Variants in POC1B observed in about 807,000 individuals in gnomAD.
POC1B encodes POC1 centriolar protein B.
In POC1B, 44 loss-of-function variants were observed where a neutral mutation model predicts 60.6. The observed-to-expected ratio is 0.73, with a 90% CI of 0.57 to 0.93. The LOEUF is 0.93. Among genes scored for constraint, POC1B ranks in the 40% least tolerant of loss-of-function variants. The probability of loss-of-function intolerance (pLI) is 0.00; values close to 1 mark genes in which losing one functional copy is unlikely to be tolerated. For missense variants in POC1B, 555 were observed against 572.3 expected (o/e 0.97, Z 0.31); for synonymous variants, 180 against 198.9 (o/e 0.90, Z 0.80).
At position 89,419,828 on chromosome 12, in the gene POC1B, G is replaced by A. The variant is rs1565889085; in HGVS notation, c.*1325C>T. 1.3e-5 allele frequency: 2 copies of A among 152,068 alleles called. No homozygotes were observed. The highest frequency in any genetic ancestry group is 2.1e-4 in the South Asian group (1 of 4,826). 9.4% of individuals were successfully genotyped at this position (152,068 alleles called of 1,614,324 possible). On this transcript the variant is annotated 3_prime_UTR_variant, in exon 12 of 12. Transcript: ENST00000313546. Reference sequence around the variant, plus strand: ...CTCAATGGGGTTATAAAAATACAATGCCACTTAGTTTTTGTAAGCTCTTGA... The same window carrying A: ...CTCAATGGGGTTATAAAAATACAATACCACTTAGTTTTTGTAAGCTCTTGA...
At chr12:89,454,123 C>T (rs191127093) in intron 10 of POC1B, among the ~76,000 whole-genome samples, 161 of 152,310 alleles carry the variant, frequency 1.1e-3, no homozygotes, top group African/African-American at 3.7e-3. Context: ...TAGAACAGAA[C>T]ACAGGAAAAC....
chr12:89,513,373 T>C (rs1265533915), intron 2 of POC1B, among the ~76,000 whole-genome samples: 1 of 152,196 alleles, frequency 6.6e-6, no homozygotes, highest in Non-Finnish European at 1.5e-5. Flanking sequence ...ATTAACTTGT[T>C]CTTTACCATC....
chr12:89,521,751 G>C (rs370354854), intron 2 of POC1B: 1 of 345,320 alleles, frequency 2.9e-6, no homozygotes, highest in Non-Finnish European at 5.2e-6. Flanking sequence ...TGCCAGGCTC[G>C]GTGCTAGGAG....
intron 6 of POC1B, among the ~76,000 whole-genome samples, chr12:89,470,777 A>C (rs975946396): frequency 1.6e-4 from 24 of 152,254 alleles, no homozygotes; most frequent in Non-Finnish European, 2.9e-4. Context: ...CTGACAGTTA[A>C]TCATCACCAG....
the POC1B span, among the ~76,000 whole-genome samples, chr12:89,405,724 A>G: frequency 9.7e-4 from 147 of 152,010 alleles, no homozygotes; most frequent in African/African-American, 3.3e-3. Flanking sequence ...GGAGGTCGAG[A>G]TGGGAGGATG....
intron 10 of POC1B, among the ~76,000 whole-genome samples, chr12:89,439,324 A>C (rs951401079): frequency 6.6e-5 from 10 of 152,144 alleles, no homozygotes; most frequent in Admixed American, 5.9e-4. Flanking sequence ...AAGTAACACA[A>C]GCTCCCCCAC....
chr12:89,473,578 C>T (rs1453364079), intron 4 of POC1B, among the ~76,000 whole-genome samples: 1 of 148,846 alleles, frequency 6.7e-6, no homozygotes, highest in African/African-American at 2.5e-5. Context: ...GGAAAACCAC[C>T]TGAACCCAGG....
intron 10 of POC1B, among the ~76,000 whole-genome samples, chr12:89,443,835 C>A (rs1308437499): frequency 8.0e-5 from 12 of 149,372 alleles, no homozygotes; most frequent in African/African-American, 2.2e-4. Context: ...TGAAAAGATC[C>A]ACAAAATTGA....
intron 10 of POC1B, among the ~76,000 whole-genome samples, chr12:89,439,862 C>T (rs1011137957): frequency 8.5e-5 from 13 of 152,186 alleles, no homozygotes; most frequent in East Asian, 1.9e-4. Flanking sequence ...GCCTCAGCCT[C>T]GCAAAGTGCT....
chr12:89,446,438 T>A (rs1486046888), intron 10 of POC1B, among the ~76,000 whole-genome samples: 1 of 152,212 alleles, frequency 6.6e-6, no homozygotes, highest in African/African-American at 2.4e-5. Context: ...AAGGATGAGT[T>A]CATGTCCTTT....
chr12:89,424,957 G>C (rs1325993627), intron 11 of POC1B, among the ~76,000 whole-genome samples: 5 of 152,184 alleles, frequency 3.3e-5, no homozygotes, highest in Non-Finnish European at 7.3e-5. Flanking sequence ...GTGTGAGTGT[G>C]TGTGTGTGTG....
the POC1B span, among the ~76,000 whole-genome samples, chr12:89,407,748 G>T: frequency 6.6e-6 from 1 of 152,262 alleles, no homozygotes; most frequent in African/African-American, 2.4e-5. Flanking sequence ...CAACTTAATT[G>T]TTACAATGAG....
chr12:89,445,058 A>T (rs1881716690), intron 10 of POC1B, among the ~76,000 whole-genome samples: 1 of 152,214 alleles, frequency 6.6e-6, no homozygotes, highest in African/African-American at 2.4e-5. Flanking sequence ...AGGGGTGTGA[A>T]GGACCTCTTC....
At position 89,420,508 on chromosome 12, in the gene POC1B, T is replaced by C. The variant is rs1394627388; in HGVS notation, c.*645A>G. 2 of 152,150 alleles carry C rather than the reference T, an allele frequency of 1.3e-5. No homozygotes were observed. The highest frequency in any genetic ancestry group is 2.4e-5 in the African/African-American group (1 of 41,446). The allele number at this position is 152,150 out of a possible 1,614,324, so 9.4% of individuals were successfully genotyped here. A position where few individuals can be genotyped will look rare whatever the true frequency, so the allele number is the denominator to read the frequency against. On this transcript the variant is annotated 3_prime_UTR_variant, in exon 12 of 12. Coordinates refer to ENST00000313546, the MANE Select transcript of POC1B (RefSeq NM_172240.3). ...GTTTCATTTCCTTCAGGTTGGCCAA[T>C]GGATAAACAAAGTACGCCATAAATT...
intron 2 of POC1B, chr12:89,500,776 CAGATAAAGA>C: frequency 9.7e-7 from 1 of 1,027,536 alleles, no homozygotes; most frequent in Non-Finnish European, 1.5e-6. Flanking sequence ...AATAAAGTAT[CAGATAAAGA>C]GGATAAAACA....
downstream of POC1B, among the ~76,000 whole-genome samples, chr12:89,415,621 C>T (rs1346333016): frequency 6.7e-6 from 1 of 148,400 alleles, no homozygotes; most frequent in African/African-American, 2.5e-5. Context: ...CCAGCCTGGG[C>T]GACACAGCGA....
At chr12:89,502,445 C>A in intron 2 of POC1B, 1 of 1,265,480 alleles carries the variant, frequency 7.9e-7, no homozygotes, top group Non-Finnish European at 1.1e-6. Context: ...AAAATATCGT[C>A]TAAAAGGAAG....
At chr12:89,404,941 C>T in the POC1B span, among the ~76,000 whole-genome samples, 14 of 152,186 alleles carry the variant, frequency 9.2e-5, no homozygotes, top group Non-Finnish European at 1.8e-4. Flanking sequence ...TGACTCCTAC[C>T]TCCTCACCCC....
intron 6 of POC1B, among the ~76,000 whole-genome samples, chr12:89,471,000 A>C (rs1299409584): frequency 1.3e-5 from 2 of 152,194 alleles, no homozygotes; most frequent in Admixed American, 1.3e-4. Context: ...AAGCAGGAAG[A>C]CCTAAGTAGT....
Sources: gnomAD v4.1 joint callset for allele counts (sites outside exome capture counted in the v4.1 genomes callset) on GRCh38, gnomAD v4.1.1 for gene constraint, MANE v1.5 for transcripts, NCBI Gene and HGNC (gene_info 2026-07-23, HGNC 2026-07-21) for gene names.